The following TMEM181 variants were observed in gnomAD, a reference collection of about 807,000 sequenced individuals.
The protein encoded by TMEM181 is transmembrane protein 181, also known as G protein-coupled receptor 178.
Under a neutral mutation model 71.9 loss-of-function variants are expected in TMEM181, and 39 were observed. The observed-to-expected ratio is 0.54, with a 90% confidence interval of 0.42 to 0.71. The LOEUF (loss-of-function observed/expected upper bound fraction) is 0.71. Among genes scored for constraint, TMEM181 ranks in the 30% least tolerant of loss-of-function variants. The pLI, the probability that TMEM181 is intolerant of heterozygous loss-of-function variation, is 0.00. For missense variants in TMEM181, 595 were observed against 583.0 expected, an observed-to-expected ratio of 1.02 and a Z score of -0.21; for synonymous variants, 245 against 228.8, an observed-to-expected ratio of 1.07 and a Z score of -0.64.
chr6:158,629,925 T>A, intron 15 of TMEM181, 106 bp downstream of exon 15: 1 of 911,014 alleles, frequency 1.1e-6, no homozygotes, highest in Admixed American at 1.9e-5. Flanking sequence ...GCGCTGTGAT[T>A]CCCAGTGACT....
chr6:158,569,307 C>T (rs951008111), intron 1 of TMEM181, among the ~76,000 whole-genome samples: 5 of 152,236 alleles, frequency 3.3e-5, no homozygotes, highest in African/African-American at 9.6e-5. Flanking sequence ...GCCTGCTTGT[C>T]AGGAAAATGA....
Position 158,589,721 on chromosome 6 carries a change from A to G in TMEM181, c.431A>G (p.Gln144Arg). The G allele has an allele frequency of 1.2e-6, 2 of 1,614,190 alleles. No individual in the cohort carries two copies. The highest frequency in any genetic ancestry group is 1.7e-6 in the Non-Finnish European group (2 of 1,180,022). Residue 144 changes from glutamine (Q) to arginine (R), a missense_variant, in exon 6 of 17, where the codon CAG becomes CGG. Transcript: ENST00000684151. Reference sequence around the variant, plus strand: ...CACCTTGGCTACCTGAACTACACTCAGTATACAGTGATAGTGGGATTTGAA... The same window carrying G: ...CACCTTGGCTACCTGAACTACACTCGGTATACAGTGATAGTGGGATTTGAA... ...VAHLGYLNYT[Q>R]YTVIVGFEHL...
At chr6:158,575,922 A>G (rs943828802) in intron 2 of TMEM181, among the ~76,000 whole-genome samples, 1 of 152,236 alleles carries the variant, frequency 6.6e-6, no homozygotes, top group African/African-American at 2.4e-5. Context: ...ACGTTTTGGA[A>G]CAAATCTAGT....
At chr6:158,615,136 C>T (rs879667754) in intron 10 of TMEM181, among the ~76,000 whole-genome samples, 1 of 152,212 alleles carries the variant, frequency 6.6e-6, no homozygotes, top group Non-Finnish European at 1.5e-5. Flanking sequence ...TCTCTACATC[C>T]TCTCCAGGAC....
At chr6:158,584,591 G>T (rs1206878545) in intron 4 of TMEM181, among the ~76,000 whole-genome samples, 1 of 152,190 alleles carries the variant, frequency 6.6e-6, no homozygotes, top group South Asian at 2.1e-4. Flanking sequence ...GTCTACAGTG[G>T]CACTAGTTTT....
intron 15 of TMEM181, among the ~76,000 whole-genome samples, chr6:158,631,014 A>G (rs1417757427): frequency 1.3e-5 from 2 of 152,212 alleles, no homozygotes; most frequent in Non-Finnish European, 2.9e-5. Context: ...CCTGGGGCCT[A>G]TGTTCAGCTC....
At chr6:158,580,227 G>A (rs1783396979) in intron 2 of TMEM181, among the ~76,000 whole-genome samples, 3 of 152,194 alleles carry the variant, frequency 2.0e-5, no homozygotes. Flanking sequence ...TTACTCGGGA[G>A]GCTGAGGCAG....
intron 1 of TMEM181, among the ~76,000 whole-genome samples, chr6:158,540,898 A>G (rs1781315940): frequency 6.6e-6 from 1 of 152,134 alleles, no homozygotes; most frequent in South Asian, 2.1e-4. Flanking sequence ...AGCTGGTACT[A>G]CAGGCATGCA....
intron 3 of TMEM181, 46 bp from the exon 4 acceptor site, chr6:158,583,908 A>T: frequency 1.4e-6 from 2 of 1,433,632 alleles, no homozygotes; most frequent in Non-Finnish European, 9.6e-7. Flanking sequence ...TATTTGGTAG[A>T]CTCAATGAAA....
intron 1 of TMEM181, among the ~76,000 whole-genome samples, chr6:158,563,435 C>G (rs141111064): frequency 1.3e-5 from 2 of 152,232 alleles, no homozygotes; most frequent in African/African-American, 2.4e-5. Context: ...TGAGCCACCA[C>G]GCTTGGCCAG....
chr6:158,558,341 A>G (rs1488615919), upstream of TMEM181, among the ~76,000 whole-genome samples: 1 of 152,258 alleles, frequency 6.6e-6, no homozygotes, highest in East Asian at 1.9e-4. Context: ...TATTTTTTCG[A>G]ATTAGTTTCC....
In TMEM181 at chr6:158,576,076, C is replaced by T. The variant is rs1783136840; in HGVS notation, c.112+2553C>T. 3.3e-5 allele frequency among the ~76,000 whole-genome samples: 5 copies of T among 152,204 alleles called. No individual in the cohort carries two copies. In the South Asian group the frequency reaches 1.0e-3, roughly 32 times the overall value. ...GTGGAGTAGGAATCGATGTCTTCTACTTAGCCAACAGCTGCAGTGGCAGAA... is the reference window on the plus strand; with the variant it reads ...GTGGAGTAGGAATCGATGTCTTCTATTTAGCCAACAGCTGCAGTGGCAGAA... On this transcript the variant is annotated intron_variant, in intron 2 of 16. Transcript: ENST00000684151.
At chr6:158,554,370 G>A (rs960206012) in intron 1 of TMEM181, among the ~76,000 whole-genome samples, 3 of 152,140 alleles carry the variant, frequency 2.0e-5, no homozygotes. Flanking sequence ...ACAGGCGTGA[G>A]CCACCGCGCC....
rs1170484480 is a variant in TMEM181 at position 158,596,757 on chromosome 6, A to G, written c.492+6975A>G. Among the ~76,000 whole-genome samples the G allele has an allele frequency of 3.9e-5, 6 of 152,272 alleles. No homozygotes were observed. The East Asian group carries it at 7.7e-4, about 20-fold the overall frequency. On this transcript the variant is annotated intron_variant, in intron 6 of 16. Transcript: ENST00000684151. Reference sequence around the variant, plus strand: ...GCGAGAGGCGAAAGGCTCTTCTTACATGGGAGCAGCAAGAGAAAATGAGGA... The same window carrying G: ...GCGAGAGGCGAAAGGCTCTTCTTACGTGGGAGCAGCAAGAGAAAATGAGGA...
upstream of TMEM181, among the ~76,000 whole-genome samples, chr6:158,558,268 G>T (rs1444837378): frequency 2.6e-5 from 4 of 152,218 alleles, no homozygotes; most frequent in Non-Finnish European, 5.9e-5. Context: ...GGTAGATACT[G>T]GCTGCCTCTA....
intron 1 of TMEM181, among the ~76,000 whole-genome samples, chr6:158,548,204 C>T (rs1425588146): frequency 6.6e-6 from 1 of 152,094 alleles, no homozygotes; most frequent in Non-Finnish European, 1.5e-5. Context: ...CCGTGTTTGT[C>T]CCGAAGCTCT....
intron 1 of TMEM181, among the ~76,000 whole-genome samples, chr6:158,566,429 AG>A (rs1782498182): frequency 6.7e-6 from 1 of 149,714 alleles, no homozygotes; most frequent in Non-Finnish European, 1.5e-5. Flanking sequence ...GGGGTGAGGA[AG>A]ATGATGGCGA....
chr6:158,552,898 A>G (rs1176446608), intron 1 of TMEM181, among the ~76,000 whole-genome samples: 1 of 152,232 alleles, frequency 6.6e-6, no homozygotes, highest in Non-Finnish European at 1.5e-5. Context: ...TGGCAGAAAT[A>G]GAAACTGTCA....
At chr6:158,600,237 C>T (rs866600576) in intron 6 of TMEM181, among the ~76,000 whole-genome samples, 2 of 151,812 alleles carry the variant, frequency 1.3e-5, no homozygotes, top group Admixed American at 6.6e-5. Context: ...GCGATCTTGG[C>T]TCACTGCAAC....
Sources: gnomAD v4.1 joint callset for allele counts (sites outside exome capture counted in the v4.1 genomes callset) on GRCh38, gnomAD v4.1.1 for gene constraint, MANE v1.5 for transcripts, NCBI Gene and HGNC (gene_info 2026-07-23, HGNC 2026-07-21) for gene names.